Variants in IKZF3 observed in about 807,000 individuals in gnomAD.
The protein encoded by IKZF3 is zinc finger protein Aiolos.
Under a neutral mutation model 49.0 loss-of-function variants are expected in IKZF3, and 10 were observed. The observed-to-expected ratio is 0.20, with a 90% CI of 0.13 to 0.35. IKZF3 has a LOEUF of 0.35. IKZF3 is among the 10% of genes least tolerant of loss of function. The pLI is 1.00. For missense variants in IKZF3, 498 were observed against 664.8 expected (o/e 0.75, Z 2.76); for synonymous variants, 209 against 228.2 (o/e 0.92, Z 0.76).
chr17:39,811,318 GGAAA>G (rs71355418), intron 3 of IKZF3, among the ~76,000 whole-genome samples: 7,316 of 132,596 alleles, frequency 0.055, 471 homozygotes, highest in African/African-American at 0.16. Context: ...AAAGAGAGAA[GGAAA>G]GAAAGAAAGA....
intron 3 of IKZF3, among the ~76,000 whole-genome samples, chr17:39,813,423 T>C (rs1186239332): frequency 2.0e-5 from 3 of 151,714 alleles, no homozygotes; most frequent in Non-Finnish European, 2.9e-5. Context: ...GGCAGGAGGA[T>C]TGATTGAGTC....
intron 1 of IKZF3, among the ~76,000 whole-genome samples, chr17:39,859,720 T>C (rs2063164589): frequency 6.6e-6 from 1 of 152,188 alleles, no homozygotes; most frequent in Non-Finnish European, 1.5e-5. Flanking sequence ...ATCATAAATA[T>C]ACCAGTTAAT....
At chr17:39,786,253 C>CA (rs2060872396) in intron 6 of IKZF3, among the ~76,000 whole-genome samples, 1 of 152,112 alleles carries the variant, frequency 6.6e-6, no homozygotes, top group South Asian at 2.1e-4. Context: ...TATGACTAAT[C>CA]ACAAAAACAA....
In IKZF3 at chr17:39,850,259, A is replaced by G. The variant is rs1451056379; in HGVS notation, c.7+13861T>C. ...ATATATAGTATATACAATATATAGCATATTATGTATGTATATATAATATAT... is the reference window on the plus strand; with the variant it reads ...ATATATAGTATATACAATATATAGCGTATTATGTATGTATATATAATATAT... On this transcript the variant is annotated intron_variant, in intron 1 of 7. Transcript: ENST00000346872. Among the ~76,000 whole-genome samples the G allele has an allele frequency of 2.8e-5, 4 of 141,760 alleles. No individual in the cohort carries two copies. In the East Asian group the frequency reaches 5.9e-4, roughly 21 times the overall value. The allele number at this position is 141,760 out of a possible 152,430, so 93.0% of individuals were successfully genotyped here.
chr17:39,828,765 G>A (rs1157085669), intron 3 of IKZF3, among the ~76,000 whole-genome samples: 1 of 152,122 alleles, frequency 6.6e-6, no homozygotes, highest in African/African-American at 2.4e-5. Flanking sequence ...TTGGAAGGCT[G>A]AGTTTGGCAA....
chr17:39,845,249 C>T (rs980707551), intron 1 of IKZF3, among the ~76,000 whole-genome samples: 3 of 152,062 alleles, frequency 2.0e-5, no homozygotes, highest in African/African-American at 4.8e-5. Context: ...AGGCCAGGCA[C>T]GGTGGCTCAT....
At chr17:39,788,443 T>G (rs2060926394) in intron 5 of IKZF3, 69 bp from the exon 6 acceptor site, 2 of 879,434 alleles carry the variant, frequency 2.3e-6, no homozygotes, top group Non-Finnish European at 3.8e-6. Flanking sequence ...ATTGGGGCTC[T>G]GTGACAACTG....
chr17:39,799,682 C>T (rs1216837637), intron 3 of IKZF3, among the ~76,000 whole-genome samples: 2 of 152,184 alleles, frequency 1.3e-5, no homozygotes, highest in Non-Finnish European at 2.9e-5. Context: ...CTGAGAAGCA[C>T]AGCAGCAACA....
At chr17:39,775,990 C>T (rs932661079) in intron 7 of IKZF3, among the ~76,000 whole-genome samples, 9 of 151,904 alleles carry the variant, frequency 5.9e-5, no homozygotes, top group African/African-American at 2.2e-4. Context: ...TTGCCCAGCT[C>T]TCCCTATGAT....
In IKZF3 at chr17:39,761,434, A is replaced by T. The variant is rs1362700798; in HGVS notation, c.*4356T>A. The stretch of plus-strand genomic sequence containing the variant: ...AGGTAGTGACAGAAAACATTTGGAG[A>T]GCTGGGCATTGTTTGTGCATGCCTG... On this transcript the variant is annotated 3_prime_UTR_variant, in exon 8 of 8. Coordinates refer to ENST00000346872, the MANE Select transcript of IKZF3 (RefSeq NM_012481.5). The T allele has an allele frequency of 6.6e-6, 1 of 151,370 alleles. No individual in the cohort carries two copies. The highest frequency in any genetic ancestry group is 6.6e-5 in the Admixed American group (1 of 15,210). The allele number at this position is 151,370 out of a possible 1,614,324, so 9.4% of individuals were successfully genotyped here.
intron 1 of IKZF3, among the ~76,000 whole-genome samples, chr17:39,837,867 C>A (rs973693590): frequency 6.6e-6 from 1 of 151,882 alleles, no homozygotes; most frequent in Non-Finnish European, 1.5e-5. Context: ...TGGTCTCGGT[C>A]TTCTGACCTC....
At chr17:39,825,889 G>A (rs1487975822) in intron 3 of IKZF3, among the ~76,000 whole-genome samples, 2 of 152,146 alleles carry the variant, frequency 1.3e-5, no homozygotes, top group Non-Finnish European at 2.9e-5. Context: ...TGGTACCTTA[G>A]GAATGAAAGG....
In IKZF3 at chr17:39,824,727, G is replaced by A. The variant is rs565591222; in HGVS notation, c.163+4660C>T. Among the ~76,000 whole-genome samples the A allele has an allele frequency of 1.7e-4, 26 of 149,302 alleles. No homozygotes were observed. The South Asian group carries it at 5.3e-3, about 31-fold the overall frequency. ...TTTTTTCCTTTTGAGACGGAGTCTC[G>A]CTTTGTCACCCAGGCTGGAGTGCAG... is the stretch of plus-strand genomic sequence containing the variant. On this transcript the variant is annotated intron_variant, in intron 3 of 7. Coordinates refer to ENST00000346872, the MANE Select transcript of IKZF3 (RefSeq NM_012481.5).
intron 3 of IKZF3, among the ~76,000 whole-genome samples, chr17:39,809,960 T>C (rs888446319): frequency 4.6e-5 from 7 of 152,228 alleles, no homozygotes; most frequent in African/African-American, 1.7e-4. Flanking sequence ...AAAGTCAAGT[T>C]TCTTAAGACT....
chr17:39,797,252 C>T (rs1419620816), intron 3 of IKZF3, among the ~76,000 whole-genome samples: 3 of 151,954 alleles, frequency 2.0e-5, no homozygotes, highest in African/African-American at 7.2e-5. Context: ...ATATGGCTTC[C>T]GCCTCCACAA....
At chr17:39,807,118 C>T (rs2061446693) in intron 3 of IKZF3, among the ~76,000 whole-genome samples, 1 of 152,172 alleles carries the variant, frequency 6.6e-6, no homozygotes, top group Admixed American at 6.5e-5. Context: ...CCCAGATATG[C>T]TGTGCCTGTA....
chr17:39,766,436 T>C lies in IKZF3; in HGVS notation c.884A>G (p.Glu295Gly). 6.2e-7 allele frequency: 1 copy of C among 1,614,076 alleles called. No individual in the cohort carries two copies. Among genetic ancestry groups the C allele is most frequent in the African/African-American group, 1.3e-5 (1 of 75,052 alleles). The change falls in exon 8 of 8, where the codon GAG becomes GGG. Residue 295 changes from glutamate (E) to glycine (G), a missense_variant. Physicochemically the swap from Glu to Gly is moderately conservative, Grantham distance 98 (BLOSUM62 -2). This residue lies in a region of IKZF3 where 317 missense variants were observed against 397.3 expected (regional missense o/e 0.80). Coordinates refer to ENST00000346872, the MANE Select transcript of IKZF3 (RefSeq NM_012481.5). ...NYNSSYMYEKESELIQTRMMD... is the reference protein window; with the variant it reads ...NYNSSYMYEKGSELIQTRMMD... Reference sequence around the variant, plus strand: ...CATGCGGGTCTGTATGAGCTCACTCTCTTTCTCATACATGTAACTTGAATT... The same window carrying C: ...CATGCGGGTCTGTATGAGCTCACTCCCTTTCTCATACATGTAACTTGAATT...
intron 5 of IKZF3, 96 bp from the exon 6 acceptor site, chr17:39,788,470 C>T (rs1277351447): frequency 2.7e-6 from 2 of 741,802 alleles, no homozygotes; most frequent in Non-Finnish European, 4.8e-6. Context: ...AGAAATGAGA[C>T]TGCTGAGTGA....
intron 1 of IKZF3, among the ~76,000 whole-genome samples, chr17:39,840,127 G>C (rs748216790): frequency 6.6e-6 from 1 of 152,198 alleles, no homozygotes; most frequent in Non-Finnish European, 1.5e-5. Flanking sequence ...ACTGGGATGA[G>C]TTAGTCACCT....
Sources: gnomAD v4.1 joint callset for allele counts (sites outside exome capture counted in the v4.1 genomes callset) on GRCh38, gnomAD v4.1.1 for gene constraint, gnomAD v4.1.1 regional missense constraint, MANE v1.5 for transcripts, NCBI Gene and HGNC (gene_info 2026-07-23, HGNC 2026-07-21) for gene names.